HAUS1: variants seen among roughly 807,000 people sequenced by gnomAD.
HAUS1 encodes the protein HAUS augmin like complex subunit 1.
Under a neutral mutation model 38.6 loss-of-function variants are expected in HAUS1, and 25 were observed. The ratio of observed to expected loss-of-function variants is 0.65; its 90% CI spans 0.47 to 0.91. The LOEUF is 0.91. Among genes scored for constraint, HAUS1 ranks in the 40% least tolerant of loss-of-function variants. The pLI is 0.00. For synonymous variants in HAUS1, 109 were observed against 112.9 expected, an observed-to-expected ratio of 0.97 and a Z score of 0.22; for missense variants, 325 against 328.4, an observed-to-expected ratio of 0.99 and a Z score of 0.08.
chr18:46,110,342 T>TTTG (rs1555697489), intron 2 of HAUS1, among the ~76,000 whole-genome samples: 10 of 113,380 alleles, frequency 8.8e-5, no homozygotes, highest in Non-Finnish European at 1.8e-4. Flanking sequence ...GGTTTTTTTT[T>TTTG]TTTTTTTTTT....
In HAUS1 at chr18:46,125,759, C is replaced by G; in HGVS notation, c.754C>G (p.Gln252Glu). 6.2e-7 allele frequency: 1 copy of G among 1,602,536 alleles called. No individual in the cohort carries two copies. Among genetic ancestry groups the G allele is most frequent in the Non-Finnish European group, 8.5e-7 (1 of 1,171,802 alleles). ...TTTTTTAAAGAATCCGTCTCTTGCT[C>G]AAGTGAAAATTGAAGAAGCAAAGCG... ...LDLMPNPSLA[Q>E]VKIEEAKREL... The change falls in exon 8 of 9, where the codon CAA becomes GAA. Residue 252 changes from glutamine to glutamate, a missense_variant. Coordinates refer to ENST00000282058, the MANE Select transcript of HAUS1 (RefSeq NM_138443.4).
rs146203312 is a variant in HAUS1, at chr18:46,105,213, A to C, written c.50A>C (p.Lys17Thr). The change falls in exon 2 of 9, where the codon AAA becomes ACA. Residue 17 changes from lysine to threonine, a missense_variant. Transcript: ENST00000282058. ...GGTTAGGTTGCTGCGTGGTTAAAAA[A>C]AATATTTGGAGATCATCCTATTCCA... Reference protein sequence around the residue: ...RETQVAAWLKKIFGDHPIPQY... With the variant: ...RETQVAAWLKTIFGDHPIPQY... 6.1e-5 allele frequency: 98 copies of C among 1,610,284 alleles called. No individual in the cohort carries two copies. The highest frequency in any genetic ancestry group is 8.3e-5 in the Non-Finnish European group (98 of 1,178,800).
intron 2 of HAUS1, among the ~76,000 whole-genome samples, chr18:46,105,958 A>G (rs80044978): frequency 0.013 from 2,006 of 152,254 alleles, 47 homozygotes; most frequent in African/African-American, 0.044. Flanking sequence ...AGTAAGCCTT[A>G]AAAGAGTCTA....
intron 2 of HAUS1, among the ~76,000 whole-genome samples, chr18:46,117,328 G>C (rs181905955): frequency 6.6e-6 from 1 of 152,150 alleles, no homozygotes; most frequent in Admixed American, 6.5e-5. Context: ...TGATATGTCC[G>C]TATAATGGAA....
chr18:46,111,978 C>G (rs1911646174), intron 2 of HAUS1, among the ~76,000 whole-genome samples: 1 of 150,042 alleles, frequency 6.7e-6, no homozygotes, highest in South Asian at 2.1e-4. Context: ...CTCCGCCTCC[C>G]AGGTTCAAGC....
rs1045626677 is a variant in HAUS1, at chr18:46,104,415, G to A, written c.4G>A (p.Glu2Lys). ...TAAAGTGGCGGGAGCCGCAGCTATG[G>A]AGCCGCAGGAGGAGAGAGAAACGCA... Reference protein sequence around the residue: MEPQEERETQVA... With the variant: MKPQEERETQVA... Residue 2 changes from glutamate to lysine, a missense_variant, in exon 1 of 9, where the codon GAG becomes AAG. Transcript: ENST00000282058. 6.8e-7 allele frequency: 1 copy of A among 1,462,684 alleles called. No individual in the cohort carries two copies. Among genetic ancestry groups the A allele is most frequent in the African/African-American group, 1.4e-5 (1 of 69,344 alleles). The allele number at this position is 1,462,684 out of a possible 1,614,324, so 90.6% of individuals were successfully genotyped here.
In HAUS1 at chr18:46,125,733, T is replaced by G. The variant is rs1204170221; in HGVS notation, c.739-11T>G. The stretch of plus-strand genomic sequence containing the variant: ...CAATATAACCTTTCCTTGTTTTATT[T>G]TTTTTTAAAGAATCCGTCTCTTGCT... On this transcript the variant is annotated splice_polypyrimidine_tract_variant and intron_variant, in intron 7 of 8. Transcript: ENST00000282058. 4 of 1,582,778 alleles carry G rather than the reference T, an allele frequency of 2.5e-6. No individual in the cohort carries two copies. Among genetic ancestry groups the G allele is most frequent in the Non-Finnish European group, 3.5e-6 (4 of 1,154,950 alleles).
chr18:46,105,796 G>C (rs1386682812), intron 2 of HAUS1, among the ~76,000 whole-genome samples: 3 of 152,014 alleles, frequency 2.0e-5, no homozygotes, highest in Non-Finnish European at 2.9e-5. Context: ...GGCCAGGCTG[G>C]TCTCGAACTC....
chr18:46,114,097 G>A (rs1911742866), intron 2 of HAUS1, among the ~76,000 whole-genome samples: 1 of 152,190 alleles, frequency 6.6e-6, no homozygotes, highest in Non-Finnish European at 1.5e-5. Flanking sequence ...CTCTCTTAGA[G>A]GAATAGTTTC....
intron 2 of HAUS1, among the ~76,000 whole-genome samples, chr18:46,107,121 T>C (rs12709735): frequency 0.59 from 89,445 of 151,820 alleles, 26,824 homozygotes; most frequent in African/African-American, 0.71. Context: ...AGAACCACTC[T>C]CACAATCTGA....
intron 1 of HAUS1, 64 bp downstream of exon 1, chr18:46,104,505 G>A: frequency 1.5e-6 from 2 of 1,339,654 alleles, no homozygotes; most frequent in Non-Finnish European, 2.0e-6. Context: ...CCCCCGCGCC[G>A]ACAGCGGGTC....
chr18:46,125,751 C>T lies in HAUS1; in HGVS notation c.746C>T (p.Ser249Phe). 2 of 1,599,172 alleles carry T rather than the reference C, an allele frequency of 1.3e-6. No homozygotes were observed. The highest frequency in any genetic ancestry group is 1.7e-6 in the Non-Finnish European group (2 of 1,168,814). Residue 249 changes from serine to phenylalanine, a missense_variant, in exon 8 of 9, where the codon TCT becomes TTT. Coordinates refer to ENST00000282058, the MANE Select transcript of HAUS1 (RefSeq NM_138443.4). ...ESYLDLMPNPSLAQVKIEEAK... is the reference protein window; with the variant it reads ...ESYLDLMPNPFLAQVKIEEAK... The stretch of plus-strand genomic sequence containing the variant: ...TTTTATTTTTTTTTAAAGAATCCGT[C>T]TCTTGCTCAAGTGAAAATTGAAGAA...
At chr18:46,114,977 G>A (rs1911761933) in intron 2 of HAUS1, 1 of 152,208 alleles carries the variant, frequency 6.6e-6, no homozygotes, top group Non-Finnish European at 1.5e-5. Flanking sequence ...TCACAGAAGA[G>A]CAGGTCAGCC....
chr18:46,113,668 T>C (rs1911731370), intron 2 of HAUS1, among the ~76,000 whole-genome samples: 1 of 152,194 alleles, frequency 6.6e-6, no homozygotes, highest in Admixed American at 6.5e-5. Flanking sequence ...CACAGGCAGC[T>C]TCTGTTGCTT....
Position 46,105,287 on chromosome 18 carries a change from G to A in HAUS1, c.124G>A (p.Glu42Lys). ...RTTEILHHLS[E>K]RNRVRDRDVY... ...CACAGAGATTTTACATCACCTTTCA[G>A]AACGCAACAGGGTCCGGGACAGGGA... The change falls in exon 2 of 9, where the codon GAA becomes AAA. Residue 42 changes from glutamate (E) to lysine (K), a missense_variant. Transcript: ENST00000282058. 6.2e-7 allele frequency: 1 copy of A among 1,613,704 alleles called. No homozygotes were observed. Among genetic ancestry groups the A allele is most frequent in the Non-Finnish European group, 8.5e-7 (1 of 1,179,790 alleles).
intron 2 of HAUS1, 173 bp downstream of exon 2, chr18:46,105,541 T>C: frequency 1.9e-6 from 1 of 516,076 alleles, no homozygotes; most frequent in Non-Finnish European, 3.3e-6. Context: ...TTTATATATA[T>C]GTATATGTAT....
chr18:46,119,976 C>A lies in HAUS1; in HGVS notation c.392C>A (p.Ser131Tyr), dbSNP rs377597356. The A allele has an allele frequency of 8.7e-6, 14 of 1,608,288 alleles. No individual in the cohort carries two copies. The African/African-American group carries it at 1.7e-4, about 20-fold the overall frequency. The change falls in exon 4 of 9, where the codon TCC becomes TAC. Residue 131 changes from serine (S) to tyrosine (Y), a missense_variant. By Grantham distance (144) the Ser-to-Tyr change is moderately radical (BLOSUM62 -2). Coordinates refer to ENST00000282058, the MANE Select transcript of HAUS1 (RefSeq NM_138443.4). ...ACCTCTGATCTCTTTCGTACCAAAT[C>A]CAAAAGTGAAGAAATCAAGATTGAA... ...DLTSDLFRTK[S>Y]KSEEIKIELE...
At chr18:46,121,685 G>A (rs532586470) in intron 4 of HAUS1, 16 of 151,864 alleles carry the variant, frequency 1.1e-4, no homozygotes, top group Admixed American at 4.6e-4. Flanking sequence ...TCTCTGTGTC[G>A]TTCTAATTTT....
chr18:46,123,204 C>T (rs1029397514), intron 5 of HAUS1, 95 bp from the exon 6 acceptor site: 4 of 828,510 alleles, frequency 4.8e-6, no homozygotes, highest in Admixed American at 2.1e-5. Context: ...GAGCAAGACT[C>T]GGTCTCAAAA....
Sources: allele counts gnomAD v4.1 joint callset (sites outside exome capture counted in the v4.1 genomes callset), GRCh38; gene constraint gnomAD v4.1.1; transcripts MANE v1.5; gene names NCBI Gene and HGNC (gene_info 2026-07-23, HGNC 2026-07-21).